The following ANO5 variants were observed in gnomAD, a reference collection of about 807,000 sequenced individuals.
ANO5 encodes the protein anoctamin 5, also known as anoctamin-5.
Under a neutral mutation model 121.0 loss-of-function variants are expected in ANO5, and 109 were observed. That is an observed-to-expected ratio of 0.90 (90% CI 0.77 to 1.06). The LOEUF (loss-of-function observed/expected upper bound fraction) is 1.06. Among genes scored for constraint, ANO5 ranks in the 50% least tolerant of loss-of-function variants. The pLI, the probability that ANO5 is intolerant of heterozygous loss-of-function variation, is 0.00. For synonymous variants in ANO5, 406 were observed against 359.9 expected (o/e 1.13, Z -1.45); for missense variants, 1,064 against 1,078.5 (o/e 0.99, Z 0.19).
At chr11:22,234,864 AGTTGAC>A (rs1853162465) in intron 7 of ANO5, among the ~76,000 whole-genome samples, 2 of 152,100 alleles carry the variant, frequency 1.3e-5, no homozygotes, top group Non-Finnish European at 2.9e-5. Context: ...CAGAACAAGC[AGTTGAC>A]CTGACTTGAC....
At chr11:22,195,774 G>A (rs1252450680) in intron 1 of ANO5, among the ~76,000 whole-genome samples, 1 of 152,122 alleles carries the variant, frequency 6.6e-6, no homozygotes, top group Non-Finnish European at 1.5e-5. Flanking sequence ...ATCTATTTAT[G>A]CTTACATGTG....
At chr11:22,225,194 AC>A (rs1852783291) in intron 5 of ANO5, among the ~76,000 whole-genome samples, 2 of 152,114 alleles carry the variant, frequency 1.3e-5, no homozygotes, top group African/African-American at 4.8e-5. Context: ...TGGGTGGTTC[AC>A]ACCTATAATC....
intron 1 of ANO5, among the ~76,000 whole-genome samples, chr11:22,197,718 A>G (rs1301989577): frequency 1.3e-5 from 2 of 152,190 alleles, no homozygotes; most frequent in African/African-American, 4.8e-5. Flanking sequence ...ATTCTTAGTC[A>G]TGTGCTTTCA....
chr11:22,211,192 GA>G, intron 2 of ANO5, 71 bp from the exon 3 acceptor site: 1 of 1,515,300 alleles, frequency 6.6e-7, no homozygotes, highest in Admixed American at 1.7e-5. Context: ...AGTTGTTACT[GA>G]AACTTAAAAG....
chr11:22,204,504 A>G (rs1413251072), intron 2 of ANO5, among the ~76,000 whole-genome samples: 1 of 152,148 alleles, frequency 6.6e-6, no homozygotes, highest in Admixed American at 6.6e-5. Context: ...CCTGCCAGAT[A>G]TAAACAGGAT....
At chr11:22,207,276 T>A (rs1590219433) in intron 2 of ANO5, among the ~76,000 whole-genome samples, 1 of 152,110 alleles carries the variant, frequency 6.6e-6, no homozygotes, top group Non-Finnish European at 1.5e-5. Context: ...GAAAACCCTC[T>A]ATGTTATTTT....
At chr11:22,234,304 T>C (rs573766940) in intron 7 of ANO5, among the ~76,000 whole-genome samples, 1 of 152,104 alleles carries the variant, frequency 6.6e-6, no homozygotes, top group Non-Finnish European at 1.5e-5. Flanking sequence ...GTTTCATCTT[T>C]GACATTATCT....
At chr11:22,274,816 A>G in intron 20 of ANO5, 69 bp downstream of exon 20, 1 of 1,540,720 alleles carries the variant, frequency 6.5e-7, no homozygotes, top group South Asian at 1.1e-5. Flanking sequence ...GTTATCTATT[A>G]CCTTTCTGTC....
At chr11:22,209,280 C>T in intron 2 of ANO5, among the ~76,000 whole-genome samples, 1 of 151,760 alleles carries the variant, frequency 6.6e-6, no homozygotes, top group East Asian at 1.9e-4. Flanking sequence ...ACATGCATGA[C>T]ATGATTAATA....
chr11:22,206,753 G>A (rs975955208), intron 2 of ANO5, among the ~76,000 whole-genome samples: 10 of 151,920 alleles, frequency 6.6e-5, no homozygotes, highest in African/African-American at 2.4e-4. Context: ...AGAAAACCAA[G>A]AATAGAGAGG....
intron 3 of ANO5, among the ~76,000 whole-genome samples, chr11:22,217,768 A>G (rs1325681231): frequency 6.7e-6 from 1 of 150,320 alleles, no homozygotes; most frequent in Non-Finnish European, 1.5e-5. Flanking sequence ...AACAAATGGG[A>G]TCTTTTGGAG....
intron 21 of ANO5, among the ~76,000 whole-genome samples, chr11:22,277,337 A>T (rs1854898500): frequency 6.6e-6 from 1 of 151,606 alleles, no homozygotes; most frequent in Non-Finnish European, 1.5e-5. Context: ...ATATGATCTA[A>T]TTCTGCCTTT....
At chr11:22,256,933 A>T (rs1300669295) in intron 13 of ANO5, among the ~76,000 whole-genome samples, 1 of 152,136 alleles carries the variant, frequency 6.6e-6, no homozygotes, top group Non-Finnish European at 1.5e-5. Context: ...ACATGCACAC[A>T]CATTCTGAGG....
intron 20 of ANO5, among the ~76,000 whole-genome samples, chr11:22,275,479 G>T (rs886334392): frequency 2.0e-5 from 3 of 151,934 alleles, no homozygotes; most frequent in Non-Finnish European, 4.4e-5. Context: ...GTGTTTAAGA[G>T]CATGGCCACT....
chr11:22,253,826 G>A (rs187613480), intron 12 of ANO5, among the ~76,000 whole-genome samples: 226 of 152,242 alleles, frequency 1.5e-3, no homozygotes, highest in Non-Finnish European at 2.7e-3. Context: ...TTGACTGGAG[G>A]AGTTATATGA....
chr11:22,250,909 TAC>T, intron 11 of ANO5, 40 bp from the exon 12 acceptor site: 1 of 1,608,486 alleles, frequency 6.2e-7, no homozygotes, highest in Non-Finnish European at 8.5e-7. Flanking sequence ...TTACATTTAG[TAC>T]TAAATTATCT....
chr11:22,231,058 A>G (rs1029314534), intron 7 of ANO5, among the ~76,000 whole-genome samples: 9 of 152,070 alleles, frequency 5.9e-5, no homozygotes, highest in African/African-American at 2.2e-4. Context: ...AAATCTCACC[A>G]CACCTCTTAT....
rs397786204 is a variant in ANO5 at position 22,281,654 on chromosome 11, TAAGA to T, written c.*1894_*1897del. ...CTTCCTTCCTGGGTGCTGATAAAAATAAGAAAGAGCATGGAAATTGGTTTCTTGA... is the reference window on the plus strand; with the variant it reads ...CTTCCTTCCTGGGTGCTGATAAAAATAAGAGCATGGAAATTGGTTTCTTGA... On this transcript the variant is annotated 3_prime_UTR_variant, in exon 22 of 22. Transcript: ENST00000324559. The T allele has an allele frequency of 0.54, 81,781 of 151,388 alleles. 23,870 individuals are homozygous for T. Among genetic ancestry groups the T allele is most frequent in the Non-Finnish European group, 0.65 (44,007 of 67,604 alleles). The allele number at this position is 151,388 out of a possible 1,614,324, so 9.4% of individuals were successfully genotyped here.
chr11:22,224,611 A>G (rs771399122), intron 5 of ANO5, among the ~76,000 whole-genome samples: 2 of 152,062 alleles, frequency 1.3e-5, no homozygotes, highest in Admixed American at 1.3e-4. Flanking sequence ...AAGACCTGAA[A>G]CTATGAAACT....
Sources: allele counts gnomAD v4.1 joint callset (sites outside exome capture counted in the v4.1 genomes callset), GRCh38; gene constraint gnomAD v4.1.1; transcripts MANE v1.5; gene names NCBI Gene and HGNC (gene_info 2026-07-23, HGNC 2026-07-21).